Variants in VAPA observed in about 807,000 individuals in gnomAD.
VAPA encodes the protein vesicle-associated membrane protein-associated protein A.
In VAPA, 6 loss-of-function variants were observed where a neutral mutation model predicts 25.6. That is an observed-to-expected ratio of 0.23 (90% CI 0.13 to 0.46). The LOEUF is 0.46. VAPA is among the 20% of genes least tolerant of loss of function. The pLI is 0.99. For missense variants in VAPA, 244 were observed against 302.1 expected, an observed-to-expected ratio of 0.81 and a Z score of 1.43; for synonymous variants, 112 against 106.2, an observed-to-expected ratio of 1.05 and a Z score of -0.34.
intron 1 of VAPA, among the ~76,000 whole-genome samples, chr18:9,931,526 C>G (rs29161): frequency 6.6e-6 from 1 of 152,076 alleles, no homozygotes; most frequent in Admixed American, 6.5e-5. Context: ...TGTAAAAATA[C>G]AGTTGTAAAG....
chr18:9,950,145 T>C, intron 4 of VAPA: 1 of 378,174 alleles, frequency 2.6e-6, no homozygotes, highest in South Asian at 3.0e-5. Context: ...TTTGAAGTAT[T>C]ACAGGAAAGA....
At chr18:9,917,178 T>C (rs1163558772) in intron 1 of VAPA, among the ~76,000 whole-genome samples, 1 of 152,274 alleles carries the variant, frequency 6.6e-6, no homozygotes, top group South Asian at 2.1e-4. Flanking sequence ...TAATTTTACC[T>C]AGATTTCAGA....
rs1010145703 is a variant in VAPA at position 9,931,880 on chromosome 18, A to G, written c.150A>G (p.Lys50=). The G allele has an allele frequency of 1.2e-6, 2 of 1,613,888 alleles. No homozygotes were observed. Among genetic ancestry groups the G allele is most frequent in the Admixed American group, 1.7e-5 (1 of 60,000 alleles). Residue 50 remains lysine, a synonymous_variant, in exon 2 of 6, where the codon AAA becomes AAG. Coordinates refer to ENST00000400000, the MANE Select transcript of VAPA (RefSeq NM_194434.3). The stretch of plus-strand genomic sequence containing the variant: ...CATCGGATAGAAAAGTGTGTTTCAA[A>G]GTGAAGACTACAGCACCTCGCCGGT... ...RNPSDRKVCF[K]VKTTAPRRYC...
At chr18:9,922,654 C>A (rs1183302148) in intron 1 of VAPA, among the ~76,000 whole-genome samples, 1 of 151,924 alleles carries the variant, frequency 6.6e-6, no homozygotes, top group East Asian at 1.9e-4. Flanking sequence ...CCTTCAAGGT[C>A]ATATGGACTG....
chr18:9,943,581 G>T (rs1238547649), intron 4 of VAPA, among the ~76,000 whole-genome samples: 3 of 152,136 alleles, frequency 2.0e-5, no homozygotes, highest in African/African-American at 4.8e-5. Flanking sequence ...AAGCGCTGTT[G>T]TACAAAATAG....
chr18:9,944,956 C>T (rs1599113942), intron 4 of VAPA: 2 of 1,614,168 alleles, frequency 1.2e-6, no homozygotes, highest in Non-Finnish European at 1.7e-6. Flanking sequence ...CTCCGACTGT[C>T]ACTTCAATGA....
rs917805864 is a variant in VAPA, at chr18:9,956,890, A to G, written c.*2679A>G. 6.6e-6 allele frequency: 1 copy of G among 152,164 alleles called. No individual in the cohort carries two copies. Among genetic ancestry groups the G allele is most frequent in the African/African-American group, 2.4e-5 (1 of 41,420 alleles). 9.4% of individuals were successfully genotyped at this position (152,164 alleles called of 1,614,324 possible). On this transcript the variant is annotated 3_prime_UTR_variant, in exon 6 of 6. Coordinates refer to ENST00000400000, the MANE Select transcript of VAPA (RefSeq NM_194434.3). The stretch of plus-strand genomic sequence containing the variant: ...CACTAGCTTCCTTCGTTCTATAACT[A>G]ATGTACCTTAACTTCCCCCATTCTT...
At chr18:9,939,117 AT>A (rs903157345) in intron 4 of VAPA, among the ~76,000 whole-genome samples, 3 of 151,074 alleles carry the variant, frequency 2.0e-5, no homozygotes, top group African/African-American at 2.4e-5. Context: ...TGTCATTAAA[AT>A]TTTTTTTTCT....
rs956306691 is a variant in VAPA at position 9,956,538 on chromosome 18, G to A, written c.*2327G>A. 1.3e-5 allele frequency: 2 copies of A among 152,580 alleles called. No individual in the cohort carries two copies. Among genetic ancestry groups the A allele is most frequent in the Non-Finnish European group, 2.9e-5 (2 of 68,026 alleles). The allele number at this position is 152,580 out of a possible 1,614,324, so 9.5% of individuals were successfully genotyped here. ...GTAGTCTGGGTAGCATCTTTAAAATGTATGTGGGCTTAACTGTTGTTCATA... is the reference window on the plus strand; with the variant it reads ...GTAGTCTGGGTAGCATCTTTAAAATATATGTGGGCTTAACTGTTGTTCATA... On this transcript the variant is annotated 3_prime_UTR_variant, in exon 6 of 6. Coordinates refer to ENST00000400000, the MANE Select transcript of VAPA (RefSeq NM_194434.3).
intron 1 of VAPA, among the ~76,000 whole-genome samples, chr18:9,930,033 C>G (rs2069237962): frequency 6.6e-6 from 1 of 152,068 alleles, no homozygotes; most frequent in Non-Finnish European, 1.5e-5. Context: ...TCGTACAACT[C>G]TTGTAGAGTT....
At chr18:9,937,217 C>G in intron 4 of VAPA, 151 bp downstream of exon 4, 1 of 207,750 alleles carries the variant, frequency 4.8e-6, no homozygotes, top group Non-Finnish European at 7.5e-6. Flanking sequence ...ACTTGGTATG[C>G]CTTTTTTTTT....
At chr18:9,917,118 AAAAAG>A (rs1272621815) in intron 1 of VAPA, among the ~76,000 whole-genome samples, 2 of 151,506 alleles carry the variant, frequency 1.3e-5, no homozygotes, top group African/African-American at 4.9e-5. Context: ...GTTAGTAAAG[AAAAAG>A]AAGTAGACGC....
chr18:9,936,378 G>T (rs1016364146), intron 3 of VAPA, 165 bp downstream of exon 3: 18 of 444,432 alleles, frequency 4.1e-5, no homozygotes, highest in Non-Finnish European at 6.8e-5. Context: ...AAGAATGAAA[G>T]AATTTTTAAA....
In VAPA at chr18:9,950,407, C is replaced by T. The variant is rs1327573187; in HGVS notation, c.430C>T (p.Pro144Ser). 2 of 1,613,212 alleles carry T rather than the reference C, an allele frequency of 1.2e-6. No individual in the cohort carries two copies. The highest frequency in any genetic ancestry group is 2.2e-5 in the East Asian group (1 of 44,844). Residue 144 changes from proline to serine, a missense_variant, in exon 5 of 6, where the codon CCT becomes TCT. Around this residue, in one of 2 missense-constraint regions of VAPA, gnomAD observed 145 missense variants for 140.6 expected, o/e 1.03. Transcript: ENST00000400000. The part of the protein sequence containing the change: ...NENDKLNDME[P>S]SKAVPLNASK... Reference sequence around the variant, plus strand: ...CTTTGTAATGCAGAATGATATGGAACCTAGCAAAGCTGTTCCACTGAATGC... The same window carrying T: ...CTTTGTAATGCAGAATGATATGGAATCTAGCAAAGCTGTTCCACTGAATGC...
intron 4 of VAPA, chr18:9,950,051 A>C (rs2069471812): frequency 4.9e-6 from 1 of 203,908 alleles, no homozygotes; most frequent in African/African-American, 2.4e-5. Flanking sequence ...GTCATTCAGC[A>C]TACTTTCATT....
chr18:9,947,352 C>T (rs1011069825), intron 4 of VAPA, among the ~76,000 whole-genome samples: 6 of 152,252 alleles, frequency 3.9e-5, no homozygotes, highest in African/African-American at 9.6e-5. Flanking sequence ...TCACCACAAA[C>T]GTGAATAATG....
chr18:9,932,102 C>G (rs780926198), intron 2 of VAPA, 140 bp downstream of exon 2: 1 of 608,296 alleles, frequency 1.6e-6, no homozygotes, highest in East Asian at 3.0e-5. Flanking sequence ...TGTCTTGTTA[C>G]AGTACTCTGC....
Position 9,950,480 on chromosome 18 carries a change from A to G in VAPA, c.503A>G (p.Asn168Ser), listed in dbSNP as rs776329505. 19 of 1,614,048 alleles carry G rather than the reference A, an allele frequency of 1.2e-5. No individual in the cohort carries two copies. Among genetic ancestry groups the G allele is most frequent in the Non-Finnish European group, 1.6e-5 (19 of 1,180,036 alleles). The stretch of plus-strand genomic sequence containing the variant: ...CCAAAACCACACAGTGTTTCACTTA[A>G]TGATACCGAAACAAGGAAACTAATG... ...PMPKPHSVSL[N>S]DTETRKLMEE... The change falls in exon 5 of 6, where the codon AAT (asparagine) becomes AGT (serine). Residue 168 changes from asparagine (N) to serine (S), a missense_variant. Asn to Ser is a conservative substitution (Grantham distance 46). This residue lies in a region of VAPA where 145 missense variants were observed against 140.6 expected (regional missense o/e 1.03). Transcript: ENST00000400000.
chr18:9,933,629 C>T (rs926273390), intron 2 of VAPA, among the ~76,000 whole-genome samples: 2 of 152,146 alleles, frequency 1.3e-5, no homozygotes, highest in African/African-American at 2.4e-5. Flanking sequence ...CTTCCGCCTC[C>T]TGGATTCAAG....
Sources: allele counts gnomAD v4.1 joint callset (sites outside exome capture counted in the v4.1 genomes callset), GRCh38; gene constraint gnomAD v4.1.1; regional missense constraint gnomAD v4.1.1; transcripts MANE v1.5; gene names NCBI Gene and HGNC (gene_info 2026-07-23, HGNC 2026-07-21).